Variants in C12orf42 observed in about 807,000 individuals in gnomAD.
The protein encoded by C12orf42 is chromosome 12 open reading frame 42.
Under a neutral mutation model 21.6 loss-of-function variants are expected in C12orf42, and 25 were observed. That is an observed-to-expected ratio of 1.16 (90% confidence interval 0.84 to 1.62). The LOEUF (loss-of-function observed/expected upper bound fraction) is 1.62, where lower values mean the gene tolerates loss of function less well. Ranked by LOEUF, C12orf42 falls within the 40% of genes most tolerant of loss-of-function variation. The pLI is 0.00. For synonymous variants in C12orf42, 174 were observed against 175.0 expected (o/e 0.99, Z 0.05); for missense variants, 483 against 459.3 (o/e 1.05, Z -0.47).
chr12:103,074,258 T>C, the C12orf42 span, among the ~76,000 whole-genome samples: 1 of 152,204 alleles, frequency 6.6e-6, no homozygotes, highest in Non-Finnish European at 1.5e-5. Context: ...CAGTTTCAAG[T>C]GTCACAACAT....
the C12orf42 span, among the ~76,000 whole-genome samples, chr12:103,109,154 G>A: frequency 6.6e-6 from 1 of 152,078 alleles, no homozygotes; most frequent in East Asian, 1.9e-4. Flanking sequence ...ATTTGAAGAA[G>A]AATTAGGAGG....
At chr12:103,112,871 C>T in the C12orf42 span, among the ~76,000 whole-genome samples, 2 of 152,236 alleles carry the variant, frequency 1.3e-5, no homozygotes, top group African/African-American at 2.4e-5. Flanking sequence ...ATCCTTCTAC[C>T]GTAGCACTCA....
the C12orf42 span, among the ~76,000 whole-genome samples, chr12:103,163,921 G>T: frequency 6.6e-6 from 1 of 152,132 alleles, no homozygotes; most frequent in Non-Finnish European, 1.5e-5. Context: ...GGGGAAAAAG[G>T]CTCAGAGAGG....
At chr12:103,554,701 AT>A in the C12orf42 span, among the ~76,000 whole-genome samples, 1 of 152,154 alleles carries the variant, frequency 6.6e-6, no homozygotes, top group Non-Finnish European at 1.5e-5. Context: ...ACATTTTCAA[AT>A]GTCCAGCAAG....
chr12:103,428,023 G>A (rs546095716), intron 2 of C12orf42, among the ~76,000 whole-genome samples: 4 of 152,166 alleles, frequency 2.6e-5, no homozygotes, highest in Non-Finnish European at 5.9e-5. Flanking sequence ...GAGAAAGCAG[G>A]AAAGATCTAA....
At chr12:103,180,803 T>C in the C12orf42 span, among the ~76,000 whole-genome samples, 11 of 151,340 alleles carry the variant, frequency 7.3e-5, no homozygotes, top group African/African-American at 2.4e-4. Context: ...TAATTTTGTA[T>C]TTTTAGTAGA....
intron 5 of C12orf42, chr12:103,270,378 A>AAGGT: frequency 7.1e-6 from 1 of 140,058 alleles, no homozygotes; most frequent in Non-Finnish European, 1.6e-5. Context: ...GGAAGGAAGG[A>AAGGT]AGGGAGGGAG....
At chr12:103,201,681 A>G in the C12orf42 span, among the ~76,000 whole-genome samples, 1 of 152,132 alleles carries the variant, frequency 6.6e-6, no homozygotes, top group Non-Finnish European at 1.5e-5. Context: ...GCCGTTGTCA[A>G]CTTCTGATGG....
At chr12:103,289,076 G>C (rs1473323348) in intron 4 of C12orf42, among the ~76,000 whole-genome samples, 1 of 152,084 alleles carries the variant, frequency 6.6e-6, no homozygotes. Flanking sequence ...AAACTGAGCA[G>C]TGTTAAGGTT....
At chr12:103,219,148 A>T in the C12orf42 span, among the ~76,000 whole-genome samples, 1 of 152,052 alleles carries the variant, frequency 6.6e-6, no homozygotes, top group Non-Finnish European at 1.5e-5. Context: ...GGAGGTCTTG[A>T]CTCTTTATCC....
At chr12:103,048,453 C>T in the C12orf42 span, among the ~76,000 whole-genome samples, 1 of 152,108 alleles carries the variant, frequency 6.6e-6, no homozygotes, top group Non-Finnish European at 1.5e-5. Context: ...CCCATCCACG[C>T]ATGCACATAT....
chr12:103,264,816 T>C (rs1313287739), downstream of C12orf42, among the ~76,000 whole-genome samples: 1 of 152,168 alleles, frequency 6.6e-6, no homozygotes, highest in African/African-American at 2.4e-5. Context: ...GGCACTTTTA[T>C]TTGAGTGGAT....
chr12:103,450,446 T>C lies in C12orf42; in HGVS notation c.78+27903A>G, dbSNP rs7953899. Among the ~76,000 whole-genome samples the C allele has an allele frequency of 3.9e-3, 598 of 152,262 alleles. 6 individuals carry two copies. The highest frequency in any genetic ancestry group is 0.014 in the African/African-American group (575 of 41,538). On this transcript the variant is annotated intron_variant, in intron 2 of 5. Coordinates refer to ENST00000548883, the MANE Select transcript of C12orf42 (RefSeq NM_198521.5). ...TATTTTCTATCAGTGTTCATGAAAT[T>C]GTTCTATAACTTTTCTCTCATGTTT...
chr12:103,064,457 A>G, the C12orf42 span, among the ~76,000 whole-genome samples: 1 of 152,258 alleles, frequency 6.6e-6, no homozygotes, highest in Admixed American at 6.5e-5. Context: ...TTTTCCTAGA[A>G]GTGAAATTGA....
At chr12:103,197,160 A>G in the C12orf42 span, among the ~76,000 whole-genome samples, 2 of 152,092 alleles carry the variant, frequency 1.3e-5, no homozygotes, top group East Asian at 3.9e-4. Context: ...ATTTTATTTC[A>G]CTTTTGTTTA....
At chr12:103,202,212 T>C in the C12orf42 span, among the ~76,000 whole-genome samples, 1 of 152,118 alleles carries the variant, frequency 6.6e-6, no homozygotes, top group Non-Finnish European at 1.5e-5. Context: ...TCAGGACGAG[T>C]AAAGGTGGAT....
the C12orf42 span, among the ~76,000 whole-genome samples, chr12:103,191,982 AC>A: frequency 6.6e-6 from 1 of 152,062 alleles, no homozygotes; most frequent in Non-Finnish European, 1.5e-5. Context: ...CCTCACTAAA[AC>A]CACAAACAAA....
At chr12:103,265,702 A>G (rs2035131115), downstream of C12orf42, among the ~76,000 whole-genome samples, 1 of 152,090 alleles carries the variant, frequency 6.6e-6, no homozygotes, top group Non-Finnish European at 1.5e-5. Flanking sequence ...GGGTTGGGGG[A>G]CCTGGAAACT....
At chr12:103,089,972 T>C in the C12orf42 span, among the ~76,000 whole-genome samples, 1 of 152,210 alleles carries the variant, frequency 6.6e-6, no homozygotes, top group South Asian at 2.1e-4. Context: ...TGTGATATTA[T>C]CTACCTGCTA....
Sources: allele counts gnomAD v4.1 joint callset (sites outside exome capture counted in the v4.1 genomes callset), GRCh38; gene constraint gnomAD v4.1.1; transcripts MANE v1.5; gene names NCBI Gene and HGNC (gene_info 2026-07-23, HGNC 2026-07-21).